Variants in PCDH15 observed in about 807,000 individuals in gnomAD.
The protein encoded by PCDH15 is protocadherin related 15.
PCDH15 carries 129 observed loss-of-function variants against 178.5 expected under a neutral mutation model. The observed-to-expected ratio is 0.72, with a 90% CI of 0.63 to 0.84. PCDH15 has a LOEUF of 0.84. PCDH15 is among the 40% of genes least tolerant of loss of function. The probability of loss-of-function intolerance (pLI) is 0.00; values close to 1 mark genes in which losing one functional copy is unlikely to be tolerated. For missense variants in PCDH15, 2,230 were observed against 2,099.9 expected (o/e 1.06, Z -1.21); for synonymous variants, 800 against 732.0 (o/e 1.09, Z -1.50).
chr10:54,297,755 A>T (rs1033634509), intron 8 of PCDH15, among the ~76,000 whole-genome samples: 4 of 152,194 alleles, frequency 2.6e-5, no homozygotes, highest in Admixed American at 2.6e-4. Flanking sequence ...ATCAAGGCAG[A>T]CCTGGGGAAC....
In PCDH15 at chr10:55,193,222, A is replaced by G. The variant is rs1031408496; in HGVS notation, c.-155-26571T>C. Among the ~76,000 whole-genome samples the G allele has an allele frequency of 8.6e-5, 13 of 151,908 alleles. 1 individual carries two copies. The highest frequency in any genetic ancestry group is 7.9e-4 in the Admixed American group (12 of 15,248). On this transcript the variant is annotated intron_variant, in intron 1 of 5. Transcript: ENST00000458638. ...GTGGCTTACGATATTGGAGATATTCAATATTCATTATAGCAAGCACCAATT... is the reference window on the plus strand; with the variant it reads ...GTGGCTTACGATATTGGAGATATTCGATATTCATTATAGCAAGCACCAATT...
At chr10:54,154,006 C>T (rs1177316008) in intron 13 of PCDH15, among the ~76,000 whole-genome samples, 1 of 152,098 alleles carries the variant, frequency 6.6e-6, no homozygotes, top group African/African-American at 2.4e-5. Context: ...AGCATGTAAA[C>T]ATCTGTATAG....
At chr10:54,476,818 TG>T (rs1430643492) in intron 3 of PCDH15, among the ~76,000 whole-genome samples, 3 of 152,154 alleles carry the variant, frequency 2.0e-5, no homozygotes, top group African/African-American at 7.2e-5. Flanking sequence ...AGGCCCATCA[TG>T]GGGTCAAACC....
intron 1 of PCDH15, among the ~76,000 whole-genome samples, chr10:54,726,738 C>T (rs986821704): frequency 2.6e-5 from 4 of 150,998 alleles, no homozygotes; most frequent in African/African-American, 9.7e-5. Context: ...AAAAAGCTGA[C>T]TACAAAAATT....
chr10:54,174,618 G>T (rs1230039588), intron 13 of PCDH15, among the ~76,000 whole-genome samples: 3 of 151,718 alleles, frequency 2.0e-5, no homozygotes, highest in South Asian at 2.1e-4. Context: ...GGGAGTAAAT[G>T]AGTATGTTTC....
chr10:54,819,663 T>G (rs912533189), intron 3 of PCDH15, among the ~76,000 whole-genome samples: 5 of 152,036 alleles, frequency 3.3e-5, no homozygotes, highest in Admixed American at 2.0e-4. Flanking sequence ...TTCAATAATA[T>G]GTAATAAAAG....
At chr10:55,054,377 A>G (rs1841240444) in intron 2 of PCDH15, among the ~76,000 whole-genome samples, 2 of 152,172 alleles carry the variant, frequency 1.3e-5, no homozygotes, top group Admixed American at 6.5e-5. Flanking sequence ...TTATGGCTGC[A>G]TAGTACTCCA....
chr10:55,088,542 A>C (rs80265022), intron 2 of PCDH15, among the ~76,000 whole-genome samples: 2 of 151,892 alleles, frequency 1.3e-5, no homozygotes, highest in African/African-American at 4.8e-5. Context: ...CTATAGTGCT[A>C]GGATTACAGG....
chr10:55,463,899 GAGAAAGAAAGAAAGAA>G (rs71014491), intron 2 of PCDH15, among the ~76,000 whole-genome samples: 602 of 47,408 alleles, frequency 0.013, 44 homozygotes, highest in Non-Finnish European at 0.017. Flanking sequence ...GGGAGAGAGA[GAGAAAGAAAGAAAGAA>G]AGAAAGAAAG....
intron 6 of PCDH15, among the ~76,000 whole-genome samples, chr10:54,335,514 T>C (rs2133981926): frequency 6.6e-6 from 1 of 152,306 alleles, no homozygotes; most frequent in Non-Finnish European, 1.5e-5. Flanking sequence ...TGTGAGATAA[T>C]TGAATCATGG....
chr10:55,611,795 T>C (rs1589184824), intron 2 of PCDH15, among the ~76,000 whole-genome samples: 1 of 152,146 alleles, frequency 6.6e-6, no homozygotes, highest in East Asian at 1.9e-4. Context: ...AAATTATATA[T>C]ACATATTTAT....
At chr10:53,815,593 A>G (rs574360144) in intron 35 of PCDH15, among the ~76,000 whole-genome samples, 9 of 152,310 alleles carry the variant, frequency 5.9e-5, no homozygotes, top group Non-Finnish European at 1.0e-4. Context: ...TAGCAAAGAC[A>G]GAATTCTGTA....
chr10:54,665,398 A>C (rs1173655627), intron 1 of PCDH15, among the ~76,000 whole-genome samples: 2 of 152,092 alleles, frequency 1.3e-5, no homozygotes, highest in Admixed American at 6.6e-5. Context: ...TCTAGCAGGT[A>C]ATATTGATGT....
intron 1 of PCDH15, among the ~76,000 whole-genome samples, chr10:54,722,484 T>C (rs960157256): frequency 6.6e-6 from 1 of 151,690 alleles, no homozygotes; most frequent in African/African-American, 2.4e-5. Flanking sequence ...TGATCCTTTG[T>C]GTTGTTTATT....
intron 6 of PCDH15, among the ~76,000 whole-genome samples, chr10:54,339,196 T>C (rs1941770836): frequency 6.6e-6 from 1 of 152,220 alleles, no homozygotes; most frequent in Admixed American, 6.5e-5. Flanking sequence ...GATTTTTTAT[T>C]ATCAGCTCAT....
chr10:55,397,547 A>G (rs1404495395), intron 2 of PCDH15, among the ~76,000 whole-genome samples: 5 of 151,828 alleles, frequency 3.3e-5, no homozygotes, highest in African/African-American at 1.2e-4. Flanking sequence ...TTTACTCTTC[A>G]TTTGTGTTTC....
At chr10:54,015,953 C>CA (rs879857648) in intron 20 of PCDH15, among the ~76,000 whole-genome samples, 9 of 151,556 alleles carry the variant, frequency 5.9e-5, no homozygotes, top group Middle Eastern at 3.2e-3. Flanking sequence ...CAAAACGAAA[C>CA]AAAAAAACTA....
chr10:54,189,046 G>A (rs529745343), intron 11 of PCDH15, among the ~76,000 whole-genome samples: 8 of 152,038 alleles, frequency 5.3e-5, no homozygotes, highest in African/African-American at 1.9e-4. Context: ...AATTACCAAT[G>A]TTTGTTGTGG....
chr10:54,142,493 G>A (rs868213979), intron 14 of PCDH15, among the ~76,000 whole-genome samples: 4 of 152,124 alleles, frequency 2.6e-5, no homozygotes, highest in African/African-American at 9.7e-5. Context: ...GTGTGAGATG[G>A]TGAGGGACAA....
Sources: gnomAD v4.1 joint callset for allele counts (sites outside exome capture counted in the v4.1 genomes callset) on GRCh38, gnomAD v4.1.1 for gene constraint, MANE v1.5 for transcripts, NCBI Gene and HGNC (gene_info 2026-07-23, HGNC 2026-07-21) for gene names.